Variants in USF1 observed in about 807,000 individuals in gnomAD.
The protein encoded by USF1 is upstream transcription factor 1, also known as upstream stimulatory factor 1.
Under a neutral mutation model 46.3 loss-of-function variants are expected in USF1, and 22 were observed. The observed-to-expected ratio is 0.47, with a 90% CI of 0.34 to 0.68. The LOEUF (loss-of-function observed/expected upper bound fraction) is 0.68, where lower values mean the gene tolerates loss of function less well. USF1 is among the 30% of genes least tolerant of loss of function. USF1 has a pLI of 0.01. For missense variants in USF1, 287 were observed against 399.3 expected (o/e 0.72, Z 2.40); for synonymous variants, 150 against 147.0 (o/e 1.02, Z -0.15).
Position 161,042,588 on chromosome 1 carries a change from G to C in USF1, c.141C>G (p.Val47=). 3.7e-6 allele frequency: 6 copies of C among 1,614,238 alleles called. No homozygotes were observed. The highest frequency in any genetic ancestry group is 5.1e-6 in the Non-Finnish European group (6 of 1,180,048). The change falls in exon 4 of 11, where the codon GTC becomes GTG. Residue 47 remains valine (V), a synonymous_variant. Transcript: ENST00000368021. Reference sequence around the variant, plus strand: ...CATTCTCAGTTCGGAAGACGTACTTGACGTTGGGGTCAGGGAAGGTGGCAG... The same window carrying C: ...CATTCTCAGTTCGGAAGACGTACTTCACGTTGGGGTCAGGGAAGGTGGCAG... ...QSAATFPDPN[V]KYVFRTENGG... is the part of the protein sequence containing the mutation.
At position 161,040,500 on chromosome 1, in the gene USF1, C is replaced by T. The variant is rs1363966031; in HGVS notation, c.714+76G>A. The T allele has an allele frequency of 5.7e-6, 9 of 1,576,054 alleles. No homozygotes were observed. The highest frequency in any genetic ancestry group is 5.4e-5 in the African/African-American group (4 of 73,642). On this transcript the variant is annotated intron_variant, in intron 9 of 10. Transcript: ENST00000368021. This position sits in a 1 kb window ranked among gnomAD's most constrained non-coding sequence, Gnocchi z 4.0. ...TAAGACTACTGTCATGTGTGCCCCT[C>T]TCTCTACCATTTCTGGAAACAATAC...
At chr1:161,041,925 C>T in intron 5 of USF1, 79 bp from the exon 6 acceptor site, 2 of 1,456,338 alleles carry the variant, frequency 1.4e-6, no homozygotes, top group East Asian at 2.3e-5. Context: ...AGCTTCTATC[C>T]GTTGGGGTGG....
chr1:161,042,814 TTC>T lies in USF1; in HGVS notation c.58+17_58+18del, dbSNP rs1229393922. ...GGCCATGATGGGTTCTTAGTCTTGG[TTC>T]TGTTTCTAGCACTCACCTTCCTGAA... On this transcript the variant is annotated intron_variant, in intron 3 of 10. Coordinates refer to ENST00000368021, the MANE Select transcript of USF1 (RefSeq NM_007122.5). 6.2e-7 allele frequency: 1 copy of T among 1,614,182 alleles called. No homozygotes were observed. The highest frequency in any genetic ancestry group is 8.5e-7 in the Non-Finnish European group (1 of 1,180,024).
At chr1:161,043,175 G>T (rs1220838339) in intron 2 of USF1, 93 bp downstream of exon 2, 1 of 1,605,084 alleles carries the variant, frequency 6.2e-7, no homozygotes, top group African/African-American at 1.3e-5. Flanking sequence ...CTGAATCCAG[G>T]TCTGCCTGAC....
chr1:161,041,448 G>C, intron 6 of USF1, 37 bp from the exon 7 acceptor site: 4 of 1,600,388 alleles, frequency 2.5e-6, no homozygotes, highest in Non-Finnish European at 8.5e-7. Flanking sequence ...CAGGACATGG[G>C]TAGGAACCTC....
rs935413764 is a variant in USF1 at position 161,040,851 on chromosome 1, C to T, written c.582G>A (p.Thr194=). ...GAGCCCTGCGTTTCTCATCCCGAGT[C>T]GTCCGGGGAGCTTCTGACTTCCTGA... ...PYSPKSEAPR[T]TRDEKRRAQH... The change falls in exon 8 of 11, where the codon ACG becomes ACA. Residue 194 remains threonine (T), a synonymous_variant. Transcript: ENST00000368021. This position sits in a 1 kb window ranked among gnomAD's most constrained non-coding sequence, Gnocchi z 4.0. 16 of 1,613,948 alleles carry T rather than the reference C, an allele frequency of 9.9e-6. No individual in the cohort carries two copies. The highest frequency in any genetic ancestry group is 1.3e-5 in the African/African-American group (1 of 74,892).
In USF1 at chr1:161,042,636, C is replaced by G; in HGVS notation, c.93G>C (p.Val31=). 6.2e-7 allele frequency: 1 copy of G among 1,614,222 alleles called. No homozygotes were observed. Among genetic ancestry groups the G allele is most frequent in the Non-Finnish European group, 8.5e-7 (1 of 1,180,050 alleles). The change falls in exon 4 of 11, where the codon GTG becomes GTC. Residue 31 remains valine (V), a synonymous_variant. Coordinates refer to ENST00000368021, the MANE Select transcript of USF1 (RefSeq NM_007122.5). ...CAGCTGACTGGATGCTGGCAATAGC[C>G]ACACTGGTTGGGTCTTCCCCAGTAG... is the stretch of plus-strand genomic sequence containing the variant. ...AVATGEDPTS[V]AIASIQSAAT...
intron 4 of USF1, 37 bp downstream of exon 4, chr1:161,042,518 C>G (rs1650610004): frequency 8.1e-6 from 13 of 1,609,636 alleles, no homozygotes; most frequent in Non-Finnish European, 1.1e-5. Context: ...ATCCCAACCC[C>G]AGATAACACC....
intron 6 of USF1, 61 bp downstream of exon 6, chr1:161,041,590 C>A: frequency 6.4e-7 from 1 of 1,559,208 alleles, no homozygotes; most frequent in South Asian, 1.2e-5. Context: ...TCACTGCCTA[C>A]CAGTCATGTC....
rs1004285247 is a variant in USF1, at chr1:161,045,876, C to G, written c.-104G>C. 5.2e-5 allele frequency: 8 copies of G among 152,454 alleles called. No homozygotes were observed. The highest frequency in any genetic ancestry group is 2.6e-4 in the Admixed American group (4 of 15,292). 9.4% of individuals were successfully genotyped at this position (152,454 alleles called of 1,614,324 possible). A position where few individuals can be genotyped will look rare whatever the true frequency, so the allele number is the denominator to read the frequency against. On this transcript the variant is annotated 5_prime_UTR_variant, in exon 1 of 11. Coordinates refer to ENST00000368021, the MANE Select transcript of USF1 (RefSeq NM_007122.5). ...CACTCACCGGCCAAGGCCGTCTCAG[C>G]TGCCGATTTTCTCCAACTGTGTTCT...
chr1:161,043,424 CT>C, intron 1 of USF1, 64 bp from the exon 2 acceptor site: 2 of 1,302,850 alleles, frequency 1.5e-6, no homozygotes, highest in Non-Finnish European at 2.1e-6. Flanking sequence ...GGTTCTAGAA[CT>C]TAGGTTCCAT....
Position 161,040,121 on chromosome 1 carries a change from T to C in USF1, c.843+81A>G. 6.2e-7 allele frequency: 1 copy of C among 1,609,110 alleles called. No individual in the cohort carries two copies. Among genetic ancestry groups the C allele is most frequent in the Non-Finnish European group, 8.5e-7 (1 of 1,176,398 alleles). ...GGGGGAAAAGATGAAGCCTTCTCCA[T>C]GGAGAACAAAGTAGAGGGTGTCAAA... On this transcript the variant is annotated intron_variant, in intron 10 of 10. Coordinates refer to ENST00000368021, the MANE Select transcript of USF1 (RefSeq NM_007122.5). This position sits in a 1 kb window ranked among gnomAD's most constrained non-coding sequence, Gnocchi z 4.0.
rs1308648894 is a variant in USF1 at position 161,039,362 on chromosome 1, T to C, written c.*558A>G. 6.2e-6 allele frequency: 1 copy of C among 160,646 alleles called. No homozygotes were observed. The highest frequency in any genetic ancestry group is 1.3e-5 in the Non-Finnish European group (1 of 74,910). 10.0% of individuals were successfully genotyped at this position (160,646 alleles called of 1,614,324 possible). A position where few individuals can be genotyped will look rare whatever the true frequency, so the allele number is the denominator to read the frequency against. On this transcript the variant is annotated 3_prime_UTR_variant, in exon 11 of 11. Transcript: ENST00000368021. ...AGGCCCCAAGTGGGCCCCTGCCTGT[T>C]GTTCTCTCTGGCTCCAGAGATGTCT... is the stretch of plus-strand genomic sequence containing the variant.
Position 161,043,405 on chromosome 1 carries a change from A to T in USF1, c.-85-45T>A, listed in dbSNP as rs942128746. ...TTGCAATGAGTTTAGGAAACAGAACAGTATCTCTGGTTCTAGAACTTAGGT... is the reference window on the plus strand; with the variant it reads ...TTGCAATGAGTTTAGGAAACAGAACTGTATCTCTGGTTCTAGAACTTAGGT... On this transcript the variant is annotated intron_variant, in intron 1 of 10. Coordinates refer to ENST00000368021, the MANE Select transcript of USF1 (RefSeq NM_007122.5). 63 of 1,449,044 alleles carry T rather than the reference A, an allele frequency of 4.3e-5. No homozygotes were observed. The African/African-American group carries it at 6.1e-4, about 14-fold the overall frequency. The allele number at this position is 1,449,044 out of a possible 1,614,324, so 89.8% of individuals were successfully genotyped here. A position where few individuals can be genotyped will look rare whatever the true frequency, so the allele number is the denominator to read the frequency against.
chr1:161,040,984 A>G lies in USF1; in HGVS notation c.561-112T>C, dbSNP rs2516841. Reference sequence around the variant, plus strand: ...GGTATTAGGACCACTTATGGTAGCTAGGTGTGGTGTCTCACACCTGTAATC... The same window carrying G: ...GGTATTAGGACCACTTATGGTAGCTGGGTGTGGTGTCTCACACCTGTAATC... On this transcript the variant is annotated intron_variant, in intron 7 of 10. Transcript: ENST00000368021. The surrounding 1 kb of genome is among the most constrained non-coding windows in gnomAD (Gnocchi z 4.0). The G allele has an allele frequency of 0.76, 1,036,668 of 1,366,500 alleles. 394,472 individuals carry two copies. Among genetic ancestry groups the G allele is most frequent in the East Asian group, 0.87 (36,888 of 42,336 alleles). The allele number at this position is 1,366,500 out of a possible 1,614,324, so 84.6% of individuals were successfully genotyped here. A position where few individuals can be genotyped will look rare whatever the true frequency, so the allele number is the denominator to read the frequency against.
Position 161,040,944 on chromosome 1 carries a change from A to C in USF1, c.561-72T>G, listed in dbSNP as rs1168831826. ...GATTGAAGTTTGGGGTTAAGGAATT[A>C]TACAAGATTTAGCAGGTATTAGGAC... On this transcript the variant is annotated intron_variant, in intron 7 of 10. Transcript: ENST00000368021. This position sits in a 1 kb window ranked among gnomAD's most constrained non-coding sequence, Gnocchi z 4.0. 2 of 1,599,376 alleles carry C rather than the reference A, an allele frequency of 1.3e-6. No individual in the cohort carries two copies. The highest frequency in any genetic ancestry group is 2.7e-5 in the African/African-American group (2 of 74,620).
intron 4 of USF1, 144 bp from the exon 5 acceptor site, chr1:161,042,361 C>T (rs1650602501): frequency 1.2e-5 from 13 of 1,057,126 alleles, no homozygotes; most frequent in Non-Finnish European, 1.8e-5. Context: ...ATTCTCCCTT[C>T]TTTCCCCACA....
intron 2 of USF1, 39 bp from the exon 3 acceptor site, chr1:161,042,921 G>A (rs368954410): frequency 2.5e-6 from 4 of 1,613,868 alleles, no homozygotes; most frequent in African/African-American, 2.7e-5. Context: ...AGTATGAGAA[G>A]AAGTCAATGA....
At position 161,040,508 on chromosome 1, in the gene USF1, C is replaced by CGTA; in HGVS notation, c.714+67_714+68insTAC. The CGTA allele has an allele frequency of 6.3e-7, 1 of 1,583,456 alleles. No individual in the cohort carries two copies. The highest frequency in any genetic ancestry group is 1.1e-5 in the South Asian group (1 of 88,528). ...CTGTCATGTGTGCCCCTCTCTCTAC[C>CGTA]ATTTCTGGAAACAATACCAGGAGGC... is the stretch of plus-strand genomic sequence containing the variant. On this transcript the variant is annotated intron_variant, in intron 9 of 10. Coordinates refer to ENST00000368021, the MANE Select transcript of USF1 (RefSeq NM_007122.5). The surrounding 1 kb of genome is among the most constrained non-coding windows in gnomAD (Gnocchi z 4.0).
Sources: gnomAD v4.1 joint callset for allele counts on GRCh38, gnomAD v4.1.1 for gene constraint, Gnocchi (gnomAD v3.1) non-coding constraint, MANE v1.5 for transcripts, NCBI Gene and HGNC (gene_info 2026-07-23, HGNC 2026-07-21) for gene names.